Variants in ILKAP observed in about 807,000 individuals in gnomAD.
ILKAP encodes integrin-linked kinase-associated serine/threonine phosphatase 2C.
A neutral mutation model predicts 49.1 loss-of-function variants in ILKAP; 11 were observed. The ratio of observed to expected loss-of-function variants is 0.22; its 90% CI spans 0.14 to 0.37. The LOEUF is 0.37. Among genes scored for constraint, ILKAP ranks in the 10% least tolerant of loss-of-function variants. ILKAP has a pLI of 1.00. For missense variants in ILKAP, 363 were observed against 510.8 expected, an observed-to-expected ratio of 0.71 and a Z score of 2.79; for synonymous variants, 186 against 192.8, an observed-to-expected ratio of 0.96 and a Z score of 0.29.
At chr2:238,178,808 T>C (rs896440132) in intron 9 of ILKAP, among the ~76,000 whole-genome samples, 3 of 152,118 alleles carry the variant, frequency 2.0e-5, no homozygotes, top group African/African-American at 7.2e-5. Context: ...TTATTTTTTT[T>C]TAAGCAAAAG....
chr2:238,187,779 G>A (rs1029827309), intron 5 of ILKAP, among the ~76,000 whole-genome samples: 1 of 152,182 alleles, frequency 6.6e-6, no homozygotes, highest in Non-Finnish European at 1.5e-5. Flanking sequence ...ATGCTATGAA[G>A]CGTCATCTCC....
intron 9 of ILKAP, among the ~76,000 whole-genome samples, chr2:238,176,102 A>C (rs911650036): frequency 0.029 from 2,779 of 96,550 alleles, no homozygotes; most frequent in Middle Eastern, 0.053. Flanking sequence ...TTTCCCCCCC[A>C]CCCTCATAAT....
At chr2:238,192,161 C>T (rs1366261898) in intron 3 of ILKAP, among the ~76,000 whole-genome samples, 5 of 146,854 alleles carry the variant, frequency 3.4e-5, no homozygotes, top group Non-Finnish European at 7.4e-5. Flanking sequence ...GAGCTGAGAT[C>T]GCAACACTGC....
intron 5 of ILKAP, 103 bp downstream of exon 5, chr2:238,188,028 A>C: frequency 7.8e-7 from 1 of 1,279,642 alleles, no homozygotes; most frequent in South Asian, 1.3e-5. Flanking sequence ...CAATCAAGTG[A>C]TGTGTTAGAT....
intron 5 of ILKAP, chr2:238,186,866 G>A (rs971602600): frequency 3.9e-5 from 6 of 152,166 alleles, no homozygotes; most frequent in African/African-American, 1.2e-4. Flanking sequence ...CTTACTGCCT[G>A]TTATTTGCAA....
At chr2:238,201,726 C>T (rs902440788) in intron 1 of ILKAP, among the ~76,000 whole-genome samples, 10 of 152,202 alleles carry the variant, frequency 6.6e-5, no homozygotes, top group Non-Finnish European at 1.3e-4. Context: ...TTTTAAGACT[C>T]ATAGGTTTAC....
intron 3 of ILKAP, among the ~76,000 whole-genome samples, chr2:238,194,059 A>C (rs1694251620): frequency 1.3e-5 from 2 of 152,258 alleles, no homozygotes; most frequent in Non-Finnish European, 2.9e-5. Context: ...CAGTTCCAAC[A>C]ATCTGAACCT....
intron 3 of ILKAP, among the ~76,000 whole-genome samples, chr2:238,192,083 G>T (rs552231062): frequency 6.6e-6 from 1 of 150,498 alleles, no homozygotes; most frequent in Admixed American, 6.6e-5. Flanking sequence ...GTGGTGGCAG[G>T]TGCCTATAGT....
intron 10 of ILKAP, among the ~76,000 whole-genome samples, chr2:238,172,244 G>T (rs989356893): frequency 2.1e-4 from 32 of 152,020 alleles, no homozygotes; most frequent in Non-Finnish European, 5.9e-5. Flanking sequence ...TAGAGATGAG[G>T]TTTTGCCATG....
At chr2:238,201,522 C>A (rs538268247) in intron 1 of ILKAP, among the ~76,000 whole-genome samples, 3 of 152,296 alleles carry the variant, frequency 2.0e-5, no homozygotes, top group African/African-American at 7.2e-5. Context: ...CCCCCTCTGC[C>A]ACCCTTTCAG....
chr2:238,188,298 CCAACCCTCTGG>C, intron 4 of ILKAP, 41 bp from the exon 5 acceptor site: 1 of 1,600,270 alleles, frequency 6.2e-7, no homozygotes, highest in Non-Finnish European at 8.5e-7. Context: ...AAAACTGTGC[CCAACCCTCTGG>C]AAACCCTAGT....
chr2:238,182,312 C>T lies in ILKAP; in HGVS notation c.715-126G>A, dbSNP rs1003168668. 5 of 1,130,970 alleles carry T rather than the reference C, an allele frequency of 4.4e-6. No homozygotes were observed. In the African/African-American group the frequency reaches 7.8e-5, roughly 18 times the overall value. The allele number at this position is 1,130,970 out of a possible 1,614,324, so 70.1% of individuals were successfully genotyped here. ...GTTAACAATGGAGTTTCACATTCAGCCTCCTGCTGATAAACGTAAGTTCAG... is the reference window on the plus strand; with the variant it reads ...GTTAACAATGGAGTTTCACATTCAGTCTCCTGCTGATAAACGTAAGTTCAG... On this transcript the variant is annotated intron_variant, in intron 8 of 11. Coordinates refer to ENST00000254654, the MANE Select transcript of ILKAP (RefSeq NM_030768.3).
At chr2:238,174,897 T>C (rs1210896281) in intron 9 of ILKAP, among the ~76,000 whole-genome samples, 2 of 152,160 alleles carry the variant, frequency 1.3e-5, no homozygotes, top group African/African-American at 2.4e-5. Flanking sequence ...CATGACCAGG[T>C]GACTGGGTGT....
At chr2:238,188,451 C>T (rs1693992845) in intron 4 of ILKAP, 194 bp from the exon 5 acceptor site, 2 of 605,812 alleles carry the variant, frequency 3.3e-6, no homozygotes, top group Admixed American at 6.3e-5. Context: ...CACTGTTGGA[C>T]AGGGTGAGCT....
intron 9 of ILKAP, among the ~76,000 whole-genome samples, chr2:238,175,227 T>G (rs139788130): frequency 1.5e-4 from 22 of 151,264 alleles, no homozygotes; most frequent in African/African-American, 4.9e-4. Context: ...GCCTCCTGAG[T>G]AGCTAGAACT....
intron 1 of ILKAP, among the ~76,000 whole-genome samples, chr2:238,196,813 A>G (rs1004813708): frequency 1.3e-5 from 2 of 152,240 alleles, no homozygotes; most frequent in Admixed American, 6.5e-5. Context: ...GGATGACCCT[A>G]AACAAATTAA....
rs982978203 is a variant in ILKAP at position 238,173,414 on chromosome 2, C to A, written c.956+120G>T. On this transcript the variant is annotated intron_variant, in intron 10 of 11. Transcript: ENST00000254654. Reference sequence around the variant, plus strand: ...AAACCACATTTTGTTTATCTCTGCACCCCCAGGGCCTAGCACCATGCACAC... The same window carrying A: ...AAACCACATTTTGTTTATCTCTGCAACCCCAGGGCCTAGCACCATGCACAC... 2.6e-5 allele frequency: 34 copies of A among 1,312,008 alleles called. No individual in the cohort carries two copies. The African/African-American group carries it at 4.4e-4, about 17-fold the overall frequency. The allele number at this position is 1,312,008 out of a possible 1,614,324, so 81.3% of individuals were successfully genotyped here. A position where few individuals can be genotyped will look rare whatever the true frequency, so the allele number is the denominator to read the frequency against.
chr2:238,202,684 A>G (rs1243642205), intron 1 of ILKAP, among the ~76,000 whole-genome samples: 2 of 152,188 alleles, frequency 1.3e-5, no homozygotes, highest in African/African-American at 2.4e-5. Flanking sequence ...GAAGTCTTGC[A>G]TATGAAATAT....
At chr2:238,176,909 A>G (rs1045204021) in intron 9 of ILKAP, among the ~76,000 whole-genome samples, 14 of 152,258 alleles carry the variant, frequency 9.2e-5, no homozygotes, top group Non-Finnish European at 1.6e-4. Flanking sequence ...TAAATCCAAC[A>G]TATTAATACA....
Sources: gnomAD v4.1 joint callset for allele counts (sites outside exome capture counted in the v4.1 genomes callset) on GRCh38, gnomAD v4.1.1 for gene constraint, MANE v1.5 for transcripts, NCBI Gene and HGNC (gene_info 2026-07-23, HGNC 2026-07-21) for gene names.